The following TRPM3 variants were observed in gnomAD, a reference collection of about 807,000 sequenced individuals.
TRPM3 encodes transient receptor potential cation channel subfamily M member 3.
In TRPM3, 77 loss-of-function variants were observed where a neutral mutation model predicts 181.2. The observed-to-expected ratio is 0.42, with a 90% confidence interval of 0.35 to 0.51. The LOEUF (loss-of-function observed/expected upper bound fraction) is 0.51, where lower values mean the gene tolerates loss of function less well. Among genes scored for constraint, TRPM3 ranks in the 20% least tolerant of loss-of-function variants. TRPM3 has a pLI of 0.01. For missense variants in TRPM3, 1,759 were observed against 2,196.7 expected (o/e 0.80, Z 3.98); for synonymous variants, 745 against 796.4 (o/e 0.94, Z 1.09).
At chr9:71,218,291 A>T (rs1467214574) in intron 1 of TRPM3, among the ~76,000 whole-genome samples, 3 of 152,326 alleles carry the variant, frequency 2.0e-5, no homozygotes, top group African/African-American at 7.2e-5. Flanking sequence ...ACGCACTCTC[A>T]TGTAGCACTC....
Position 70,639,208 on chromosome 9 carries a change from C to T in TRPM3, c.1447-14G>A, listed in dbSNP as rs75533513. 679 of 1,613,258 alleles carry T rather than the reference C, an allele frequency of 4.2e-4. 1 individual carries two copies. The African/African-American group carries it at 8.3e-3, about 20-fold the overall frequency. ...CAGAGATCCCACCTGCAAACCAAGT[C>T]ACTGAGTTAGTCTGCCCCAGGGTCT... On this transcript the variant is annotated splice_polypyrimidine_tract_variant and intron_variant, in intron 10 of 25. Transcript: ENST00000677713.
In TRPM3 at chr9:71,031,626, C is replaced by T. The variant is rs1367340072; in HGVS notation, c.177+89552G>A. ...TTTAGTAATATTAAAAAATATCATG[C>T]CAATTTATATTCCACTAAGACCACA... On this transcript the variant is annotated intron_variant, in intron 1 of 25. Transcript: ENST00000677713. 3.3e-5 allele frequency among the ~76,000 whole-genome samples: 5 copies of T among 151,740 alleles called. No homozygotes were observed. The East Asian group carries it at 7.7e-4, about 23-fold the overall frequency.
At chr9:71,061,405 T>A (rs911891348) in intron 1 of TRPM3, among the ~76,000 whole-genome samples, 1 of 152,172 alleles carries the variant, frequency 6.6e-6, no homozygotes, top group African/African-American at 2.4e-5. Flanking sequence ...AGACTGTTAT[T>A]CCTAGAAAGT....
At position 70,815,975 on chromosome 9, in the gene TRPM3, C is replaced by G. The variant is rs373259458; in HGVS notation, c.973+11872G>C. Among the ~76,000 whole-genome samples, 6 of 152,272 alleles carry G rather than the reference C, an allele frequency of 3.9e-5. No individual in the cohort carries two copies. The South Asian group carries it at 1.2e-3, about 32-fold the overall frequency. On this transcript the variant is annotated intron_variant, in intron 6 of 25. Transcript: ENST00000677713. ...AAAGTCAAGGTTTATTTTCAAAGTG[C>G]TTGCTTGTGGTTTCACTAAATCTGT...
In TRPM3 at chr9:70,625,195, T is replaced by C. The variant is rs780519916; in HGVS notation, c.1805A>G (p.Lys602Arg). ...CGAATTTGCAGCCAGCCTCACCCTC[T>C]TGGGGCCGAAGAGGTTGTGGTAGAG... The part of the protein sequence containing the change: ...RTLYHNLFGP[K>R]RPKALKLLGM... Residue 602 changes from lysine (K) to arginine (R), a missense_variant, in exon 14 of 26, where the codon AAG (lysine) becomes AGG (arginine). Lys to Arg is a conservative substitution (Grantham distance 26). Transcript: ENST00000677713. The surrounding 1 kb of genome is among the most constrained non-coding windows in gnomAD (Gnocchi z 4.8). The C allele has an allele frequency of 1.2e-6, 2 of 1,614,052 alleles. No homozygotes were observed. Among genetic ancestry groups the C allele is most frequent in the Non-Finnish European group, 1.7e-6 (2 of 1,179,992 alleles).
chr9:71,337,778 T>C (rs1050945919), intron 1 of TRPM3, among the ~76,000 whole-genome samples: 1 of 152,158 alleles, frequency 6.6e-6, no homozygotes, highest in Non-Finnish European at 1.5e-5. Flanking sequence ...TCATGTCCTT[T>C]GCAGGGATAT....
At chr9:70,933,163 C>T (rs528026789) in intron 1 of TRPM3, among the ~76,000 whole-genome samples, 13 of 152,118 alleles carry the variant, frequency 8.5e-5, no homozygotes, top group East Asian at 1.9e-4. Context: ...GGGTTTGCAA[C>T]GTTTGTGGTT....
intron 21 of TRPM3, 71 bp downstream of exon 21, chr9:70,598,348 A>G (rs1174065308): frequency 6.4e-7 from 1 of 1,557,500 alleles, no homozygotes; most frequent in Non-Finnish European, 8.7e-7. Context: ...CAAATGAATT[A>G]TTTCCCTCTA....
chr9:70,928,925 C>T (rs1046469903), intron 1 of TRPM3, among the ~76,000 whole-genome samples: 57 of 152,184 alleles, frequency 3.7e-4, no homozygotes, highest in African/African-American at 1.3e-3. Flanking sequence ...ACAAAAGGCC[C>T]TTGGTTCCTG....
intron 1 of TRPM3, among the ~76,000 whole-genome samples, chr9:71,081,126 C>T (rs1019588226): frequency 4.6e-5 from 7 of 152,236 alleles, no homozygotes; most frequent in Non-Finnish European, 7.4e-5. Flanking sequence ...CTGGATGTGA[C>T]GCTAAATTGA....
chr9:71,097,158 G>T (rs2067440176), intron 1 of TRPM3, among the ~76,000 whole-genome samples: 1 of 151,974 alleles, frequency 6.6e-6, no homozygotes, highest in Non-Finnish European at 1.5e-5. Context: ...TTATAAAAAT[G>T]CTCTATGCTT....
chr9:70,828,912 C>T (rs1207349216), intron 5 of TRPM3, among the ~76,000 whole-genome samples: 2 of 152,068 alleles, frequency 1.3e-5, no homozygotes, highest in Admixed American at 1.3e-4. Context: ...CTGCCTGATT[C>T]CAAAATCTAT....
At chr9:70,967,003 T>C (rs58366502) in intron 1 of TRPM3, among the ~76,000 whole-genome samples, 3,535 of 147,008 alleles carry the variant, frequency 0.024, 151 homozygotes, top group African/African-American at 0.083. Flanking sequence ...GAACTTAGAA[T>C]TGGGTAACAA....
intron 1 of TRPM3, among the ~76,000 whole-genome samples, chr9:71,272,012 A>T (rs990655951): frequency 2.6e-5 from 4 of 152,184 alleles, no homozygotes; most frequent in African/African-American, 9.7e-5. Flanking sequence ...ATAGTCTGAG[A>T]CATAATTTTG....
Position 70,536,383 on chromosome 9 carries a change from C to G in TRPM3, c.4730G>C (p.Arg1577Thr), listed in dbSNP as rs1360322400. The G allele has an allele frequency of 1.2e-6, 2 of 1,614,110 alleles. No individual in the cohort carries two copies. The highest frequency in any genetic ancestry group is 1.7e-6 in the Non-Finnish European group (2 of 1,180,014). ...CVNAPQAIAD[R>T]AAFPGGLGDK... is the part of the protein sequence containing the mutation. ...TCCAAGACCTCCAGGGAAGGCAGCT[C>G]TGTCCGCAATTGCTTGAGGGGCATT... Residue 1577 changes from arginine to threonine, a missense_variant, in exon 26 of 26, where the codon AGA becomes ACA. Transcript: ENST00000677713.
chr9:70,970,884 G>A (rs966321958), intron 1 of TRPM3, among the ~76,000 whole-genome samples: 2 of 152,010 alleles, frequency 1.3e-5, no homozygotes, highest in Admixed American at 1.3e-4. Flanking sequence ...TTTTTCATTT[G>A]AAAGATACAG....
intron 1 of TRPM3, among the ~76,000 whole-genome samples, chr9:70,898,747 C>CAAAAAAAAAAAAAAAAAAAGAAAA (rs2096333322): frequency 1.1e-5 from 1 of 93,354 alleles, no homozygotes; most frequent in South Asian, 3.8e-4. Flanking sequence ...GACTTCATCT[C>CAAAAAAAAAAAAAAAAAAAGAAAA]AAAAAAAAAA....
intron 1 of TRPM3, among the ~76,000 whole-genome samples, chr9:71,290,528 TAGG>T (rs2085719364): frequency 6.7e-6 from 1 of 149,794 alleles, no homozygotes; most frequent in African/African-American, 2.5e-5. Context: ...AGTTTAGAAA[TAGG>T]AGACTCTCTA....
At position 71,038,744 on chromosome 9, in the gene TRPM3, G is replaced by A. The variant is rs369467867; in HGVS notation, c.177+82434C>T. The stretch of plus-strand genomic sequence containing the variant: ...GTCCAATAGGGCACATGGACACTGA[G>A]CAGGTCAGGGAAAGCTTTCTGCAGA... On this transcript the variant is annotated intron_variant, in intron 1 of 25. Transcript: ENST00000677713. 1.9e-4 allele frequency among the ~76,000 whole-genome samples: 29 copies of A among 152,260 alleles called. 1 individual carries two copies. In the South Asian group the frequency reaches 6.0e-3, roughly 32 times the overall value.
Sources: allele counts gnomAD v4.1 joint callset (sites outside exome capture counted in the v4.1 genomes callset), GRCh38; gene constraint gnomAD v4.1.1; non-coding constraint Gnocchi (gnomAD v3.1); transcripts MANE v1.5; gene names NCBI Gene and HGNC (gene_info 2026-07-23, HGNC 2026-07-21).